The following CCDC68 variants were observed in gnomAD, a reference collection of about 807,000 sequenced individuals.
The protein encoded by CCDC68 is coiled-coil domain containing 68.
Under a neutral mutation model 47.1 loss-of-function variants are expected in CCDC68, and 45 were observed. That is an observed-to-expected ratio of 0.96 (90% confidence interval 0.75 to 1.23). CCDC68 has a LOEUF of 1.23. Among genes scored for constraint, CCDC68 ranks in the 50% most tolerant of loss-of-function variants. CCDC68 has a pLI of 0.00. For synonymous variants in CCDC68, 131 were observed against 129.5 expected, an observed-to-expected ratio of 1.01 and a Z score of -0.08; for missense variants, 353 against 373.6, an observed-to-expected ratio of 0.94 and a Z score of 0.45.
At position 54,902,789 on chromosome 18, in the gene CCDC68, A is replaced by G. The variant is rs1055350295; in HGVS notation, c.*1569T>C. The G allele has an allele frequency of 6.6e-6, 1 of 152,230 alleles. No homozygotes were observed. The highest frequency in any genetic ancestry group is 1.5e-5 in the Non-Finnish European group (1 of 68,028). The allele number at this position is 152,230 out of a possible 1,614,324, so 9.4% of individuals were successfully genotyped here. The stretch of plus-strand genomic sequence containing the variant: ...ACCACCATGTGAGCAAGTAGAATGA[A>G]TATCAATAGCCAAGTCAAAAGGTTC... On this transcript the variant is annotated 3_prime_UTR_variant, in exon 12 of 12. Transcript: ENST00000591504.
chr18:54,953,511 TACACAC>T (rs140232651), intron 1 of CCDC68, among the ~76,000 whole-genome samples: 45,310 of 147,486 alleles, frequency 0.31, 6,945 homozygotes, highest in South Asian at 0.38. Flanking sequence ...TATATATACA[TACACAC>T]ACACACACAC....
intron 1 of CCDC68, among the ~76,000 whole-genome samples, chr18:54,951,620 A>C (rs546900890): frequency 6.6e-6 from 1 of 152,314 alleles, no homozygotes; most frequent in South Asian, 2.1e-4. Context: ...ATTCTGAAGG[A>C]GTTTCTAAGC....
In CCDC68 at chr18:54,942,715, G is replaced by A. The variant is rs201370562; in HGVS notation, c.77C>T (p.Thr26Met). 2.2e-5 allele frequency: 36 copies of A among 1,611,282 alleles called. No individual in the cohort carries two copies. Among genetic ancestry groups the A allele is most frequent in the Middle Eastern group, 1.7e-4 (1 of 6,050 alleles). ...MEDNSALYES[T>M]SAHIIEETEY... ...GGTTTCTTCAATAATGTGAGCGGAC[G>A]TAGACTCATACAAGGCAGAATTATC... Residue 26 changes from threonine to methionine, a missense_variant, in exon 3 of 12, where the codon ACG becomes ATG. Coordinates refer to ENST00000591504, the MANE Select transcript of CCDC68 (RefSeq NM_025214.3).
chr18:54,908,653 C>T (rs1914155161), intron 10 of CCDC68, among the ~76,000 whole-genome samples: 2 of 152,108 alleles, frequency 1.3e-5, no homozygotes, highest in Non-Finnish European at 2.9e-5. Flanking sequence ...TAAAAAAATA[C>T]GTCAAGTGCT....
intron 6 of CCDC68, among the ~76,000 whole-genome samples, chr18:54,935,673 C>T (rs919256028): frequency 1.0e-3 from 152 of 152,126 alleles, no homozygotes; most frequent in African/African-American, 3.6e-3. Flanking sequence ...CGCTTATGTT[C>T]TTCATCTGCA....
In CCDC68 at chr18:54,928,828, G is replaced by T. The variant is rs2145487739; in HGVS notation, c.655C>A (p.Leu219Ile). 6.2e-7 allele frequency: 1 copy of T among 1,612,328 alleles called. No individual in the cohort carries two copies. Among genetic ancestry groups the T allele is most frequent in the Non-Finnish European group, 8.5e-7 (1 of 1,178,376 alleles). Reference sequence around the variant, plus strand: ...TTTCCATATGTAGCACTGGATTTGAGTTGCAGTAGCTTGTTTTCCAAAGAC... The same window carrying T: ...TTTCCATATGTAGCACTGGATTTGATTTGCAGTAGCTTGTTTTCCAAAGAC... ...KLSLENKLLQ[L>I]KSSATYGKSC... The change falls in exon 8 of 12, where the codon CTC (leucine) becomes ATC (isoleucine). Residue 219 changes from leucine to isoleucine, a missense_variant. Physicochemically the swap from Leu to Ile is conservative, Grantham distance 5. Coordinates refer to ENST00000591504, the MANE Select transcript of CCDC68 (RefSeq NM_025214.3).
At chr18:54,937,911 G>A (rs1449144203) in intron 5 of CCDC68, 46 bp downstream of exon 5, 1 of 1,562,732 alleles carries the variant, frequency 6.4e-7, no homozygotes, top group South Asian at 1.2e-5. Flanking sequence ...CATTCTATTA[G>A]CTCGAAGGCT....
intron 8 of CCDC68, among the ~76,000 whole-genome samples, chr18:54,921,710 C>T (rs529960956): frequency 6.6e-6 from 1 of 152,330 alleles, no homozygotes; most frequent in Admixed American, 6.5e-5. Context: ...ACCTACACAA[C>T]GAAATCTCAC....
intron 1 of CCDC68, among the ~76,000 whole-genome samples, chr18:54,958,752 G>C (rs982486501): frequency 4.6e-5 from 7 of 152,178 alleles, no homozygotes; most frequent in Non-Finnish European, 7.3e-5. Context: ...TAGCCGCCTA[G>C]CACTCTGTAA....
rs142619996 is a variant in CCDC68 at position 54,923,768 on chromosome 18, A to G, written c.684-4392T>C. ...ACTCTGTCACCCAGCCTGAAGTGCA[A>G]TGATGCAATCTCGGCTCACTGCAAC... On this transcript the variant is annotated intron_variant, in intron 8 of 11. Coordinates refer to ENST00000591504, the MANE Select transcript of CCDC68 (RefSeq NM_025214.3). Among the ~76,000 whole-genome samples, 1,517 of 151,924 alleles carry G rather than the reference A, an allele frequency of 1.0e-2. 21 individuals are homozygous for G. The highest frequency in any genetic ancestry group is 0.029 in the African/African-American group (1,207 of 41,386).
chr18:54,941,378 T>C (rs1435681492), intron 3 of CCDC68, among the ~76,000 whole-genome samples: 1 of 152,238 alleles, frequency 6.6e-6, no homozygotes, highest in Non-Finnish European at 1.5e-5. Flanking sequence ...TACTTAATAC[T>C]ATTTAGTTTT....
At chr18:54,923,348 A>T (rs976633499) in intron 8 of CCDC68, among the ~76,000 whole-genome samples, 1 of 152,178 alleles carries the variant, frequency 6.6e-6, no homozygotes, top group Non-Finnish European at 1.5e-5. Context: ...AGGCACAGAG[A>T]ACATAGGTTG....
At chr18:54,948,315 C>T (rs1379034553) in intron 1 of CCDC68, among the ~76,000 whole-genome samples, 4 of 152,200 alleles carry the variant, frequency 2.6e-5, no homozygotes, top group African/African-American at 9.6e-5. Flanking sequence ...AAAATGAAGG[C>T]AGAGATGTAG....
intron 1 of CCDC68, among the ~76,000 whole-genome samples, chr18:54,953,992 CCTCCCT>C (rs2044666867): frequency 1.5e-5 from 1 of 67,038 alleles, no homozygotes; most frequent in Non-Finnish European, 3.3e-5. Context: ...CCTCCCCTCC[CCTCCCT>C]TCCCCTCCCC....
chr18:54,955,733 TTTGA>T (rs1307868484), intron 1 of CCDC68, among the ~76,000 whole-genome samples: 2 of 152,312 alleles, frequency 1.3e-5, no homozygotes, highest in South Asian at 2.1e-4. Context: ...TGTTTGTTTG[TTTGA>T]GGCAGAGTCT....
intron 10 of CCDC68, among the ~76,000 whole-genome samples, chr18:54,915,122 A>T (rs2043922815): frequency 6.6e-6 from 1 of 152,222 alleles, no homozygotes; most frequent in Non-Finnish European, 1.5e-5. Context: ...ACTCTAAAAC[A>T]ACCTCTCCAA....
intron 8 of CCDC68, among the ~76,000 whole-genome samples, chr18:54,922,446 T>C (rs1568141468): frequency 6.6e-6 from 1 of 152,110 alleles, no homozygotes; most frequent in South Asian, 2.1e-4. Flanking sequence ...AATCTGCAGA[T>C]GTTGCTCAGA....
chr18:54,910,788 C>G (rs904475345), intron 10 of CCDC68, among the ~76,000 whole-genome samples: 2 of 152,254 alleles, frequency 1.3e-5, no homozygotes, highest in African/African-American at 4.8e-5. Flanking sequence ...CTAACCCGAG[C>G]ATGCACACAC....
chr18:54,953,253 T>C (rs2044648890), intron 1 of CCDC68, among the ~76,000 whole-genome samples: 1 of 152,056 alleles, frequency 6.6e-6, no homozygotes, highest in African/African-American at 2.4e-5. Flanking sequence ...TATATCTTGT[T>C]AGTGATCATG....
Sources: allele counts gnomAD v4.1 joint callset (sites outside exome capture counted in the v4.1 genomes callset), GRCh38; gene constraint gnomAD v4.1.1; transcripts MANE v1.5; gene names NCBI Gene and HGNC (gene_info 2026-07-23, HGNC 2026-07-21).